Variants in DHTKD1 observed in about 807,000 individuals in gnomAD.
The protein encoded by DHTKD1 is dehydrogenase E1 and transketolase domain containing 1, also known as 2-oxoadipate dehydrogenase complex component E1.
DHTKD1 carries 78 observed loss-of-function variants against 101.8 expected under a neutral mutation model. The observed-to-expected ratio is 0.77, with a 90% CI of 0.64 to 0.93. The LOEUF (loss-of-function observed/expected upper bound fraction) is 0.93. DHTKD1 is among the 40% of genes least tolerant of loss of function. The pLI, the probability that DHTKD1 is intolerant of heterozygous loss-of-function variation, is 0.00. For synonymous variants in DHTKD1, 462 were observed against 450.3 expected (o/e 1.03, Z -0.33); for missense variants, 1,223 against 1,161.7 (o/e 1.05, Z -0.77).
rs1246673651 is a variant in DHTKD1 at position 12,086,221 on chromosome 10, C to CTTTTTTTTTTTTT, written c.523-1310_523-1309insTTTTTTTTTTTTT. 5.1e-5 allele frequency among the ~76,000 whole-genome samples: 4 copies of CTTTTTTTTTTTTT among 78,048 alleles called. 2 individuals are homozygous for CTTTTTTTTTTTTT. Among genetic ancestry groups the CTTTTTTTTTTTTT allele is most frequent in the African/African-American group, 9.7e-5 (2 of 20,696 alleles). 51.2% of individuals were successfully genotyped at this position (78,048 alleles called of 152,430 possible). ...TTAAAATTTATTTTTCTTTTGTTTT[C>CTTTTTTTTTTTTT]TTTTCTTTTTTTTTTTTTTGAGATG... On this transcript the variant is annotated intron_variant, in intron 3 of 16. Coordinates refer to ENST00000263035, the MANE Select transcript of DHTKD1 (RefSeq NM_018706.7).
chr10:12,120,720 G>C (rs2131631087), intron 16 of DHTKD1, 67 bp from the exon 17 acceptor site: 1 of 1,337,446 alleles, frequency 7.5e-7, no homozygotes, highest in East Asian at 2.3e-5. Context: ...GCACTGTCTT[G>C]TTGGAACTAA....
At chr10:12,091,475 C>A in intron 5 of DHTKD1, 38 bp from the exon 6 acceptor site, 2 of 1,206,846 alleles carry the variant, frequency 1.7e-6, no homozygotes, top group Non-Finnish European at 2.2e-6. Context: ...CCTTATGTTT[C>A]TTTTCTCCCC....
chr10:12,073,127 G>A (rs1346733040), intron 1 of DHTKD1, among the ~76,000 whole-genome samples: 4 of 151,932 alleles, frequency 2.6e-5, no homozygotes, highest in Non-Finnish European at 5.9e-5. Flanking sequence ...ATTCCTCCTG[G>A]GTTCAAGTGA....
intron 1 of DHTKD1, 88 bp downstream of exon 1, chr10:12,069,275 GAACCGGCT>G: frequency 1.4e-6 from 1 of 736,088 alleles, no homozygotes. Context: ...CGGGGTCGGG[GAACCGGCT>G]GCCGGCCTGA....
At chr10:12,090,921 G>T (rs1426392954) in intron 5 of DHTKD1, among the ~76,000 whole-genome samples, 1 of 152,066 alleles carries the variant, frequency 6.6e-6, no homozygotes, top group African/African-American at 2.4e-5. Context: ...GATTGTGGTG[G>T]CGGGCGCCTG....
In DHTKD1 at chr10:12,069,073, G is replaced by C. The variant is rs146881212; in HGVS notation, c.40G>C (p.Gly14Arg). ...TGCGGCAGCAGCACGACGGGGCCTC[G>C]GCCGGGCTCTCCCTCTCTTCTGGCG... Reference protein sequence around the residue: ...ATAAAARRGLGRALPLFWRGY... With the variant: ...ATAAAARRGLRRALPLFWRGY... The change falls in exon 1 of 17, where the codon GGC becomes CGC. Residue 14 changes from glycine to arginine, a missense_variant. Coordinates refer to ENST00000263035, the MANE Select transcript of DHTKD1 (RefSeq NM_018706.7). 28 of 1,612,856 alleles carry C rather than the reference G, an allele frequency of 1.7e-5. No homozygotes were observed. The Admixed American group carries it at 4.7e-4, about 27-fold the overall frequency.
Position 12,099,295 on chromosome 10 carries a change from A to G in DHTKD1, c.1672-883A>G, listed in dbSNP as rs542583839. Among the ~76,000 whole-genome samples the G allele has an allele frequency of 6.7e-4, 102 of 152,284 alleles. 1 individual carries two copies. Among genetic ancestry groups the G allele is most frequent in the Admixed American group, 2.2e-3 (34 of 15,278 alleles). ...CACTCAGCTTAGGAAATAGGATGTT[A>G]TAAATACAGTTCCCCACATACCCCT... On this transcript the variant is annotated intron_variant, in intron 8 of 16. Coordinates refer to ENST00000263035, the MANE Select transcript of DHTKD1 (RefSeq NM_018706.7).
Position 12,069,128 on chromosome 10 carries a change from G to A in DHTKD1, c.95G>A (p.Gly32Asp). ...RGYQTERGVY[G>D]YRPRKPESRE... ...TACCAGACCGAGCGGGGCGTTTACG[G>A]CTACCGGCCGAGGAAGCCCGAGAGC... Residue 32 changes from glycine to aspartate, a missense_variant, in exon 1 of 17, where the codon GGC (glycine) becomes GAC (aspartate). Physicochemically the swap from Gly to Asp is moderately conservative, Grantham distance 94 (BLOSUM62 -1). Transcript: ENST00000263035. 1.3e-6 allele frequency: 2 copies of A among 1,598,316 alleles called. No individual in the cohort carries two copies. The highest frequency in any genetic ancestry group is 1.7e-6 in the Non-Finnish European group (2 of 1,174,068).
At chr10:12,117,565 C>T in intron 13 of DHTKD1, 108 bp from the exon 14 acceptor site, 1 of 714,048 alleles carries the variant, frequency 1.4e-6, no homozygotes, top group Non-Finnish European at 2.5e-6. Flanking sequence ...GGTCTCCTTG[C>T]AGTGCTAGGC....
intron 6 of DHTKD1, among the ~76,000 whole-genome samples, chr10:12,092,283 T>G (rs1480882180): frequency 6.6e-6 from 1 of 151,972 alleles, no homozygotes; most frequent in East Asian, 1.9e-4. Flanking sequence ...ATGCCCAGCC[T>G]ATCAGTGTGA....
intron 1 of DHTKD1, among the ~76,000 whole-genome samples, chr10:12,078,183 G>T (rs1000102079): frequency 6.6e-6 from 1 of 151,962 alleles, no homozygotes; most frequent in Admixed American, 6.6e-5. Context: ...TCAGCACTTT[G>T]GGAGGCCGAG....
intron 1 of DHTKD1, among the ~76,000 whole-genome samples, chr10:12,081,034 C>T (rs1832808514): frequency 6.6e-6 from 1 of 151,824 alleles, no homozygotes; most frequent in African/African-American, 2.4e-5. Flanking sequence ...GGTGCGGTGG[C>T]TCACGCCTGT....
chr10:12,103,485 CTCAA>C lies in DHTKD1; in HGVS notation c.1896+2307_1896+2310del, dbSNP rs1017270627. Among the ~76,000 whole-genome samples the C allele has an allele frequency of 9.2e-6, 1 of 109,094 alleles. No individual in the cohort carries two copies. Among genetic ancestry groups the C allele is most frequent in the African/African-American group, 3.2e-5 (1 of 31,108 alleles). The allele number at this position is 109,094 out of a possible 152,430, so 71.6% of individuals were successfully genotyped here. A position where few individuals can be genotyped will look rare whatever the true frequency, so the allele number is the denominator to read the frequency against. ...TTTTTCCCCCAACTTCGTTGTACAT[CTCAA>C]TCTGTGTGTGTGTGTGTGTGTGTGT... On this transcript the variant is annotated intron_variant, in intron 10 of 16. Coordinates refer to ENST00000263035, the MANE Select transcript of DHTKD1 (RefSeq NM_018706.7). The surrounding 1 kb of genome is among the most constrained non-coding windows in gnomAD (Gnocchi z 4.8).
At chr10:12,108,106 T>C (rs573012568) in intron 12 of DHTKD1, 91 bp downstream of exon 12, 2 of 862,834 alleles carry the variant, frequency 2.3e-6, no homozygotes, top group Admixed American at 2.3e-5. Flanking sequence ...CCCACCTAAC[T>C]GTAACACAGC....
At chr10:12,119,343 C>T (rs1233068514) in intron 15 of DHTKD1, among the ~76,000 whole-genome samples, 5 of 150,352 alleles carry the variant, frequency 3.3e-5, no homozygotes, top group East Asian at 2.0e-4. Context: ...AGGCGGGGCG[C>T]GGTGCCTCAC....
At chr10:12,098,139 T>A in intron 8 of DHTKD1, 143 bp downstream of exon 8, 1 of 760,572 alleles carries the variant, frequency 1.3e-6, no homozygotes. Flanking sequence ...GATCCTAGTG[T>A]TGTTTTGGTA....
chr10:12,073,216 A>G (rs1832676784), intron 1 of DHTKD1, among the ~76,000 whole-genome samples: 1 of 151,916 alleles, frequency 6.6e-6, no homozygotes, highest in South Asian at 2.1e-4. Flanking sequence ...TATTTTTAGT[A>G]GAGACGTGGT....
chr10:12,097,993 T>G lies in DHTKD1; in HGVS notation c.1668T>G (p.Val556=). ...QMHSHLLKTH[V]QSRMEKMMDG... ...ACAGTCACCTGCTGAAGACACATGTTCAGGTGGGCAGCCTCCAAATGGCTG... is the reference window on the plus strand; with the variant it reads ...ACAGTCACCTGCTGAAGACACATGTGCAGGTGGGCAGCCTCCAAATGGCTG... The change falls in exon 8 of 17, where the codon GTT becomes GTG. Residue 556 remains valine (V), a synonymous_variant. Transcript: ENST00000263035. 1 of 1,598,976 alleles carries G rather than the reference T, an allele frequency of 6.3e-7. No homozygotes were observed. The highest frequency in any genetic ancestry group is 8.6e-7 in the Non-Finnish European group (1 of 1,169,194).
At position 12,121,237 on chromosome 10, in the gene DHTKD1, A is replaced by AAC. The variant is rs1833523636; in HGVS notation, c.*350_*351dup. On this transcript the variant is annotated 3_prime_UTR_variant, in exon 17 of 17. Coordinates refer to ENST00000263035, the MANE Select transcript of DHTKD1 (RefSeq NM_018706.7). ...TGCGTTTCAAAAAAAAAAAAAAAAA[A>AAC]ACCCATTAAAAGAGGCCTCCTTCCT... is the stretch of plus-strand genomic sequence containing the variant. The AAC allele has an allele frequency of 4.4e-6, 1 of 227,648 alleles. No individual in the cohort carries two copies. The highest frequency in any genetic ancestry group is 2.3e-5 in the African/African-American group (1 of 44,082). The allele number at this position is 227,648 out of a possible 1,614,324, so 14.1% of individuals were successfully genotyped here.
Sources: allele counts gnomAD v4.1 joint callset (sites outside exome capture counted in the v4.1 genomes callset), GRCh38; gene constraint gnomAD v4.1.1; non-coding constraint Gnocchi (gnomAD v3.1); transcripts MANE v1.5; gene names NCBI Gene and HGNC (gene_info 2026-07-23, HGNC 2026-07-21).